DIP2C: variants seen among roughly 807,000 people sequenced by gnomAD.
The protein encoded by DIP2C is disco-interacting protein 2 homolog C.
Under a neutral mutation model 192.4 loss-of-function variants are expected in DIP2C, and 33 were observed. The ratio of observed to expected loss-of-function variants is 0.17; its 90% CI spans 0.13 to 0.23. DIP2C has a LOEUF of 0.23. Among genes scored for constraint, DIP2C ranks in the 10% least tolerant of loss-of-function variants. The pLI is 1.00. For synonymous variants in DIP2C, 979 were observed against 864.1 expected, an observed-to-expected ratio of 1.13 and a Z score of -2.33; for missense variants, 1,537 against 2,110.1, an observed-to-expected ratio of 0.73 and a Z score of 5.32.
At chr10:462,827 T>C (rs956800718) in intron 3 of DIP2C, among the ~76,000 whole-genome samples, 18 of 152,206 alleles carry the variant, frequency 1.2e-4, no homozygotes, top group African/African-American at 4.1e-4. Context: ...CATGATCAAA[T>C]AGGCTTCATC....
chr10:292,823 C>T (rs1473176615), intron 32 of DIP2C, among the ~76,000 whole-genome samples: 1 of 152,196 alleles, frequency 6.6e-6, no homozygotes, highest in Non-Finnish European at 1.5e-5. Context: ...ACTCTTTCTT[C>T]CTCCAACTGA....
intron 10 of DIP2C, among the ~76,000 whole-genome samples, chr10:393,513 C>CA (rs1291965838): frequency 6.6e-6 from 1 of 152,180 alleles, no homozygotes; most frequent in African/African-American, 2.4e-5. Context: ...CGCGATGGCT[C>CA]AGGCCTGTAA....
intron 1 of DIP2C, among the ~76,000 whole-genome samples, chr10:536,459 C>G (rs1847701470): frequency 1.3e-5 from 2 of 152,058 alleles, no homozygotes; most frequent in African/African-American, 4.8e-5. Context: ...AGAGTTGTAT[C>G]TATCTGCAAA....
intron 1 of DIP2C, among the ~76,000 whole-genome samples, chr10:589,249 T>A (rs1851264303): frequency 2.6e-5 from 4 of 152,200 alleles, no homozygotes; most frequent in African/African-American, 4.8e-5. Context: ...GCCAGCTGCA[T>A]GATTTGTAGA....
At chr10:407,670 C>G (rs1413286486) in intron 9 of DIP2C, among the ~76,000 whole-genome samples, 1 of 152,152 alleles carries the variant, frequency 6.6e-6, no homozygotes, top group Non-Finnish European at 1.5e-5. Context: ...TTGCTTTTCC[C>G]TGATCAAGGA....
At chr10:553,189 G>T (rs1480496499) in intron 1 of DIP2C, among the ~76,000 whole-genome samples, 1 of 152,212 alleles carries the variant, frequency 6.6e-6, no homozygotes, top group Non-Finnish European at 1.5e-5. Context: ...GAAGAGCTGG[G>T]TCCTGCCCCT....
At chr10:356,023 T>G (rs1278483639) in intron 24 of DIP2C, among the ~76,000 whole-genome samples, 5 of 152,198 alleles carry the variant, frequency 3.3e-5, no homozygotes, top group Admixed American at 6.5e-5. Flanking sequence ...GAGGTTGCAG[T>G]GAGCGGAGAT....
Position 435,865 on chromosome 10 carries a change from ACT to A in DIP2C, c.394+5004_394+5005del, listed in dbSNP as rs539520204. Reference sequence around the variant, plus strand: ...AATATTTATAATTGTAGATTTAAAAACTCTGTCTTTTGCTGTATCAGACATCT... The same window carrying A: ...AATATTTATAATTGTAGATTTAAAAACTGTCTTTTGCTGTATCAGACATCT... On this transcript the variant is annotated intron_variant, in intron 4 of 36. Transcript: ENST00000280886. Among the ~76,000 whole-genome samples the A allele has an allele frequency of 1.1e-3, 174 of 152,116 alleles. 1 individual carries two copies. The highest frequency in any genetic ancestry group is 3.7e-3 in the African/African-American group (154 of 41,472).
chr10:425,501 G>C (rs1258497872), intron 4 of DIP2C, among the ~76,000 whole-genome samples: 1 of 137,114 alleles, frequency 7.3e-6, no homozygotes, highest in Admixed American at 7.3e-5. Flanking sequence ...ATGACCAGCG[G>C]TGACTAATAT....
At chr10:492,203 CA>C (rs1216910227) in intron 1 of DIP2C, among the ~76,000 whole-genome samples, 3 of 152,358 alleles carry the variant, frequency 2.0e-5, no homozygotes, top group Admixed American at 2.0e-4. Context: ...AGACAGCAGA[CA>C]GAAGGGTCGC....
intron 3 of DIP2C, among the ~76,000 whole-genome samples, chr10:448,280 C>T (rs1482672161): frequency 7.4e-6 from 1 of 134,980 alleles, no homozygotes; most frequent in Non-Finnish European, 1.5e-5. Flanking sequence ...TGTCTATACT[C>T]AGGATCACAC....
In DIP2C at chr10:382,731, T is replaced by C. The variant is rs766770073; in HGVS notation, c.1907A>G (p.Asn636Ser). Reference protein sequence around the residue: ...WSISSCDAFLNVFQSKGLRQE... With the variant: ...WSISSCDAFLSVFQSKGLRQE... ...TCGAAGGCCTTTACTTTGGAAGACATTGAGAAATGCATCGCAAGAAGAAAT... is the reference window on the plus strand; with the variant it reads ...TCGAAGGCCTTTACTTTGGAAGACACTGAGAAATGCATCGCAAGAAGAAAT... Residue 636 changes from asparagine to serine, a missense_variant, in exon 17 of 37, where the codon AAT becomes AGT. This residue lies in a region of DIP2C where 677 missense variants were observed against 989.9 expected (regional missense o/e 0.68). Transcript: ENST00000280886. 4.6e-5 allele frequency: 74 copies of C among 1,613,320 alleles called. No homozygotes were observed. The highest frequency in any genetic ancestry group is 5.8e-5 in the Non-Finnish European group (69 of 1,179,792).
At chr10:529,882 A>T (rs1847268239) in intron 1 of DIP2C, among the ~76,000 whole-genome samples, 1 of 152,054 alleles carries the variant, frequency 6.6e-6, no homozygotes, top group South Asian at 2.1e-4. Flanking sequence ...TGGCTCAAGC[A>T]ATCCTCCTGC....
chr10:579,567 T>C (rs1850446725), intron 1 of DIP2C, among the ~76,000 whole-genome samples: 1 of 151,706 alleles, frequency 6.6e-6, no homozygotes. Flanking sequence ...AGGTACACTA[T>C]AACACATGCG....
chr10:608,114 C>CCA (rs896450834), intron 1 of DIP2C, among the ~76,000 whole-genome samples: 2 of 128,910 alleles, frequency 1.6e-5, no homozygotes, highest in Admixed American at 7.7e-5. Context: ...AACACACACA[C>CCA]CACACACACA....
At chr10:437,659 G>C (rs1434338425) in intron 4 of DIP2C, 1 of 152,014 alleles carries the variant, frequency 6.6e-6, no homozygotes, top group Non-Finnish European at 1.5e-5. Context: ...GGTGTGATTT[G>C]GGTCCCTGTT....
At chr10:566,137 G>C (rs574890745) in intron 1 of DIP2C, among the ~76,000 whole-genome samples, 22 of 152,210 alleles carry the variant, frequency 1.4e-4, no homozygotes, top group Admixed American at 4.6e-4. Flanking sequence ...CTTATTTTAG[G>C]ACTTTAGTAG....
chr10:414,707 A>ATATGTG (rs750419581), intron 7 of DIP2C, among the ~76,000 whole-genome samples: 8 of 47,800 alleles, frequency 1.7e-4, no homozygotes, highest in African/African-American at 4.6e-4. Flanking sequence ...GTGTGTATGT[A>ATATGTG]TGTGTGTGTG....
intron 9 of DIP2C, among the ~76,000 whole-genome samples, chr10:401,175 G>A (rs1419376925): frequency 4.6e-4 from 65 of 142,048 alleles, no homozygotes; most frequent in South Asian, 7.1e-4. Context: ...CATGAATCCT[G>A]TGATTTTACA....
Sources: allele counts gnomAD v4.1 joint callset (sites outside exome capture counted in the v4.1 genomes callset), GRCh38; gene constraint gnomAD v4.1.1; regional missense constraint gnomAD v4.1.1; transcripts MANE v1.5; gene names NCBI Gene and HGNC (gene_info 2026-07-23, HGNC 2026-07-21).